Variants in SEC24D observed in about 807,000 individuals in gnomAD.
SEC24D encodes the protein SEC24 homolog D, COPII component.
In SEC24D, 69 loss-of-function variants were observed where a neutral mutation model predicts 116.9. The observed-to-expected ratio is 0.59, with a 90% CI of 0.49 to 0.72. The LOEUF is 0.72. Ranked by LOEUF, SEC24D falls within the 30% of genes least tolerant of loss-of-function variation. SEC24D has a pLI of 0.00. For missense variants in SEC24D, 1,131 were observed against 1,264.1 expected (o/e 0.89, Z 1.60); for synonymous variants, 405 against 442.8 (o/e 0.91, Z 1.07).
At chr4:118,821,097 T>G (rs919317246) in intron 3 of SEC24D, among the ~76,000 whole-genome samples, 1 of 152,174 alleles carries the variant, frequency 6.6e-6, no homozygotes, top group African/African-American at 2.4e-5. Flanking sequence ...TGAAACAAAA[T>G]CAGAATTTTG....
chr4:118,795,069 A>G (rs967899370), intron 8 of SEC24D, among the ~76,000 whole-genome samples: 2 of 151,882 alleles, frequency 1.3e-5, no homozygotes, highest in East Asian at 1.9e-4. Flanking sequence ...GCAGAGGCCT[A>G]TTTTTCATTG....
chr4:118,730,534 G>A (rs1578374117), intron 21 of SEC24D: 1 of 152,186 alleles, frequency 6.6e-6, no homozygotes, highest in Non-Finnish European at 1.5e-5. Flanking sequence ...ATGTAAGTGA[G>A]CCTTCAGGAA....
Position 118,737,345 on chromosome 4 carries a change from A to G in SEC24D, c.2496+916T>C, listed in dbSNP as rs142530329. Among the ~76,000 whole-genome samples the G allele has an allele frequency of 3.8e-3, 582 of 152,338 alleles. 6 individuals are homozygous for G. The highest frequency in any genetic ancestry group is 0.013 in the African/African-American group (557 of 41,590). ...GAAGAGATAAAAGAATGGATGACTAATTTAATCACTTTGGACAGCATGGAA... is the reference window on the plus strand; with the variant it reads ...GAAGAGATAAAAGAATGGATGACTAGTTTAATCACTTTGGACAGCATGGAA... On this transcript the variant is annotated intron_variant, in intron 19 of 22. Transcript: ENST00000280551.
At chr4:118,796,337 T>C (rs1729178531) in intron 8 of SEC24D, among the ~76,000 whole-genome samples, 2 of 152,210 alleles carry the variant, frequency 1.3e-5, no homozygotes, top group South Asian at 4.1e-4. Flanking sequence ...TTTAATGAGG[T>C]GTTTATAAAT....
chr4:118,723,676 CAGT>C lies in SEC24D; in HGVS notation c.2959-24_2959-22del, dbSNP rs757310795. On this transcript the variant is annotated intron_variant, in intron 22 of 22. Transcript: ENST00000280551. ...GTGAGCTAGGAAAAAAAAAACAAAA[CAGT>C]AACAGCCCCTGGTTATAAACATTAT... 4 of 1,590,590 alleles carry C rather than the reference CAGT, an allele frequency of 2.5e-6. No homozygotes were observed. The South Asian group carries it at 4.7e-5, about 19-fold the overall frequency.
Position 118,752,860 on chromosome 4 carries a change from G to A in SEC24D, c.1450C>T (p.Arg484Ter), listed in dbSNP as rs1372766642. The change falls in exon 12 of 23, where the codon CGA becomes TGA. Residue 484 changes from arginine to a stop codon, truncating the protein, a stop_gained. Transcript: ENST00000280551. LOFTEE classifies it high-confidence loss of function. ...KEEQEETSAI[R>*]VGFITYNKVL... ...TTGTTATATGTGATAAAACCCACTC[G>A]AATTGCAGACGTCTCTTCTTGCTCT... The A allele has an allele frequency of 5.0e-6, 8 of 1,586,486 alleles. No homozygotes were observed. The highest frequency in any genetic ancestry group is 2.4e-5 in the South Asian group (2 of 84,832).
At chr4:118,828,234 G>A (rs1055978836) in intron 2 of SEC24D, among the ~76,000 whole-genome samples, 1 of 151,866 alleles carries the variant, frequency 6.6e-6, no homozygotes, top group East Asian at 1.9e-4. Context: ...TCAGCCTCCC[G>A]AGTAGCTGGG....
At position 118,758,073 on chromosome 4, in the gene SEC24D, T is replaced by C. The variant is rs10029461; in HGVS notation, c.1297-228A>G. Among the ~76,000 whole-genome samples, 1,124 of 152,306 alleles carry C rather than the reference T, an allele frequency of 7.4e-3. 16 individuals are homozygous for C. Among genetic ancestry groups the C allele is most frequent in the African/African-American group, 0.025 (1,036 of 41,572 alleles). On this transcript the variant is annotated intron_variant, in intron 10 of 22. Transcript: ENST00000280551. ...TTCCAGGCTATGACCTGGGTTAGTA[T>C]TGAATTAGACACTATTACGACATCT...
At position 118,741,034 on chromosome 4, in the gene SEC24D, G is replaced by C; in HGVS notation, c.1999C>G (p.His667Asp). ...TLYKYNNFQM[H>D]LDRQQFLNDL... ...TTCAAAAATTGTTGTCTATCCAAGT[G>C]CATCTAAAAAATAAAAGTCTAATCA... The change falls in exon 16 of 23, where the codon CAC becomes GAC. Residue 667 changes from histidine (H) to aspartate (D), a missense_variant. His to Asp is a moderately conservative substitution (Grantham distance 81, BLOSUM62 -1). Coordinates refer to ENST00000280551, the MANE Select transcript of SEC24D (RefSeq NM_014822.4). 6.4e-7 allele frequency: 1 copy of C among 1,552,344 alleles called. No individual in the cohort carries two copies. Among genetic ancestry groups the C allele is most frequent in the Non-Finnish European group, 8.8e-7 (1 of 1,142,772 alleles).
At chr4:118,777,457 A>G (rs918435208) in intron 8 of SEC24D, among the ~76,000 whole-genome samples, 1 of 152,206 alleles carries the variant, frequency 6.6e-6, no homozygotes, top group Non-Finnish European at 1.5e-5. Flanking sequence ...ATCCTTTTTT[A>G]TGGCTGCATA....
At chr4:118,804,461 G>A (rs2110512669) in intron 7 of SEC24D, among the ~76,000 whole-genome samples, 1 of 151,628 alleles carries the variant, frequency 6.6e-6, no homozygotes, top group South Asian at 2.1e-4. Context: ...TCTTTAGGTT[G>A]AAAAAAGCCC....
chr4:118,757,884 A>T lies in SEC24D; in HGVS notation c.1297-39T>A, dbSNP rs186379395. ...AACACATCACATAAATAAAGTAAAT[A>T]CATTGCATAATCAAATGTCAATACT... On this transcript the variant is annotated intron_variant, in intron 10 of 22. Transcript: ENST00000280551. The T allele has an allele frequency of 6.3e-4, 977 of 1,549,106 alleles. 6 individuals carry two copies. The highest frequency in any genetic ancestry group is 2.5e-4 in the Admixed American group (12 of 48,810).
intron 3 of SEC24D, among the ~76,000 whole-genome samples, chr4:118,821,100 G>C (rs1730382374): frequency 6.6e-6 from 1 of 152,122 alleles, no homozygotes; most frequent in South Asian, 2.1e-4. Flanking sequence ...AACAAAATCA[G>C]AATTTTGAAT....
At chr4:118,788,698 T>C (rs1728759576) in intron 8 of SEC24D, among the ~76,000 whole-genome samples, 1 of 152,174 alleles carries the variant, frequency 6.6e-6, no homozygotes, top group Non-Finnish European at 1.5e-5. Context: ...TGGTAGTCAT[T>C]TAAAAGACAT....
intron 13 of SEC24D, among the ~76,000 whole-genome samples, chr4:118,745,621 A>G (rs746923500): frequency 4.6e-5 from 7 of 152,214 alleles, no homozygotes; most frequent in Non-Finnish European, 1.0e-4. Context: ...TCAAGATTAT[A>G]TATCTGTAGT....
intron 13 of SEC24D, among the ~76,000 whole-genome samples, chr4:118,745,788 C>A (rs1362731845): frequency 6.6e-6 from 1 of 152,142 alleles, no homozygotes; most frequent in East Asian, 1.9e-4. Flanking sequence ...CTTCCAACCC[C>A]TGCCTTTTTC....
intron 8 of SEC24D, among the ~76,000 whole-genome samples, chr4:118,787,821 G>T (rs1323049745): frequency 6.6e-6 from 1 of 151,982 alleles, no homozygotes; most frequent in Non-Finnish European, 1.5e-5. Context: ...AATAAATAAT[G>T]AAATAAACAA....
chr4:118,833,835 G>T, intron 1 of SEC24D, 98 bp from the exon 2 acceptor site: 2 of 609,880 alleles, frequency 3.3e-6, no homozygotes, highest in Non-Finnish European at 2.9e-6. Context: ...ATGATGGTTT[G>T]AGGAAAAGTA....
chr4:118,756,479 TG>T (rs1030645229), intron 11 of SEC24D, among the ~76,000 whole-genome samples: 5 of 152,136 alleles, frequency 3.3e-5, no homozygotes, highest in African/African-American at 1.2e-4. Flanking sequence ...AAACCACTCC[TG>T]GGAGGTCCAG....
Sources: gnomAD v4.1 joint callset for allele counts (sites outside exome capture counted in the v4.1 genomes callset) on GRCh38, gnomAD v4.1.1 for gene constraint, MANE v1.5 for transcripts, NCBI Gene and HGNC (gene_info 2026-07-23, HGNC 2026-07-21) for gene names.